The following TBC1D1 variants were observed in gnomAD, a reference collection of about 807,000 sequenced individuals.
TBC1D1 encodes the protein TBC1 (tre-2/USP6, BUB2, cdc16) domain family, member 1.
Under a neutral mutation model 125.6 loss-of-function variants are expected in TBC1D1, and 89 were observed. The ratio of observed to expected loss-of-function variants is 0.71; its 90% CI spans 0.60 to 0.85. The LOEUF (loss-of-function observed/expected upper bound fraction) is 0.85, where lower values mean the gene tolerates loss of function less well. Among genes scored for constraint, TBC1D1 ranks in the 40% least tolerant of loss-of-function variants. The pLI is 0.00. For missense variants in TBC1D1, 1,377 were observed against 1,469.2 expected, an observed-to-expected ratio of 0.94 and a Z score of 1.03; for synonymous variants, 565 against 564.1, an observed-to-expected ratio of 1.00 and a Z score of -0.02.
chr4:38,006,942 C>T, intron 2 of TBC1D1: 2 of 441,014 alleles, frequency 4.5e-6, no homozygotes, highest in South Asian at 3.6e-5. Context: ...TAAGTGTTGT[C>T]ATCTGGATAC....
chr4:37,997,585 AC>A (rs1388358530), intron 2 of TBC1D1, among the ~76,000 whole-genome samples: 1 of 152,192 alleles, frequency 6.6e-6, no homozygotes, highest in Non-Finnish European at 1.5e-5. Flanking sequence ...ATTAAAAATA[AC>A]CTTTTTTATG....
At chr4:38,007,451 C>A (rs953964867) in intron 2 of TBC1D1, among the ~76,000 whole-genome samples, 1 of 152,046 alleles carries the variant, frequency 6.6e-6, no homozygotes, top group African/African-American at 2.4e-5. Context: ...CGGGGTTTCA[C>A]CTTGTTGGTC....
intron 14 of TBC1D1, among the ~76,000 whole-genome samples, chr4:38,097,564 G>T (rs1054898155): frequency 6.6e-6 from 1 of 152,000 alleles, no homozygotes; most frequent in Non-Finnish European, 1.5e-5. Context: ...GGATGGTCTC[G>T]ATCTCCTGAC....
At chr4:38,096,306 G>A (rs116502406) in intron 14 of TBC1D1, among the ~76,000 whole-genome samples, 2,662 of 152,236 alleles carry the variant, frequency 0.017, 36 homozygotes, top group Admixed American at 0.03. Flanking sequence ...CGGGAAATAG[G>A]AAGAAGACAG....
chr4:38,101,914 C>T (rs1171263472), intron 14 of TBC1D1, among the ~76,000 whole-genome samples: 1 of 152,112 alleles, frequency 6.6e-6, no homozygotes, highest in African/African-American at 2.4e-5. Flanking sequence ...CCTTTTCCCT[C>T]ATCCTTAAGG....
At chr4:37,947,468 T>C (rs1291001365) in intron 2 of TBC1D1, among the ~76,000 whole-genome samples, 1 of 152,126 alleles carries the variant, frequency 6.6e-6, no homozygotes, top group Non-Finnish European at 1.5e-5. Context: ...ATTTATGTTT[T>C]ATTTTTTAGA....
chr4:38,034,297 A>G (rs951392214), intron 7 of TBC1D1, among the ~76,000 whole-genome samples: 5 of 152,228 alleles, frequency 3.3e-5, no homozygotes, highest in African/African-American at 1.2e-4. Flanking sequence ...AAAATTTTGT[A>G]ATATTGGGGT....
At chr4:38,076,585 C>T (rs1410863546) in intron 12 of TBC1D1, among the ~76,000 whole-genome samples, 2 of 152,054 alleles carry the variant, frequency 1.3e-5, no homozygotes, top group Non-Finnish European at 2.9e-5. Context: ...CGACACACTG[C>T]TGATGAAAAC....
At chr4:37,917,330 C>A (rs1054783934) in intron 2 of TBC1D1, among the ~76,000 whole-genome samples, 2 of 151,890 alleles carry the variant, frequency 1.3e-5, no homozygotes, top group Non-Finnish European at 2.9e-5. Flanking sequence ...CAAAAATTAG[C>A]TGGGCGTGGT....
intron 12 of TBC1D1, among the ~76,000 whole-genome samples, chr4:38,065,642 G>GC (rs1415906732): frequency 7.3e-4 from 98 of 133,724 alleles, no homozygotes; most frequent in Middle Eastern, 3.8e-3. Context: ...AGGTATTACC[G>GC]CCTTTTTTTT....
intron 2 of TBC1D1, among the ~76,000 whole-genome samples, chr4:37,923,098 C>T (rs1721366277): frequency 6.6e-6 from 1 of 152,112 alleles, no homozygotes; most frequent in South Asian, 2.1e-4. Context: ...TAATGCTATC[C>T]TTCCCCTAGC....
Position 38,138,368 on chromosome 4 carries a change from C to T in TBC1D1, c.*1033C>T, listed in dbSNP as rs1461446735. Reference sequence around the variant, plus strand: ...TTGTGTGATGTAATGCAATCATGTTCCTTTGAGTCTCCATCCCTTGGAAAT... The same window carrying T: ...TTGTGTGATGTAATGCAATCATGTTTCTTTGAGTCTCCATCCCTTGGAAAT... On this transcript the variant is annotated 3_prime_UTR_variant, in exon 20 of 20. Transcript: ENST00000261439. 6.6e-6 allele frequency: 1 copy of T among 152,336 alleles called. No homozygotes were observed. Among genetic ancestry groups the T allele is most frequent in the Non-Finnish European group, 1.5e-5 (1 of 68,030 alleles). The allele number at this position is 152,336 out of a possible 1,614,324, so 9.4% of individuals were successfully genotyped here.
At chr4:37,955,867 TG>T (rs1728831009) in intron 2 of TBC1D1, among the ~76,000 whole-genome samples, 1 of 150,450 alleles carries the variant, frequency 6.6e-6, no homozygotes, top group Non-Finnish European at 1.5e-5. Flanking sequence ...CTGGCCGTGG[TG>T]TCTCACGCCT....
intron 8 of TBC1D1, among the ~76,000 whole-genome samples, chr4:38,042,815 G>T (rs1179167571): frequency 6.6e-6 from 1 of 152,178 alleles, no homozygotes; most frequent in Non-Finnish European, 1.5e-5. Flanking sequence ...AAAGGTATTT[G>T]TTATATTAGT....
At chr4:38,028,271 T>G (rs530772742) in intron 7 of TBC1D1, among the ~76,000 whole-genome samples, 26 of 152,314 alleles carry the variant, frequency 1.7e-4, no homozygotes, top group Non-Finnish European at 2.9e-4. Context: ...GTTCAAGTGA[T>G]TCTTCTGCCT....
intron 1 of TBC1D1, among the ~76,000 whole-genome samples, chr4:37,900,520 T>C (rs1379017063): frequency 6.6e-6 from 1 of 151,976 alleles, no homozygotes; most frequent in Non-Finnish European, 1.5e-5. Flanking sequence ...AGTCAGGCAC[T>C]ATGGCAGACA....
intron 12 of TBC1D1, among the ~76,000 whole-genome samples, chr4:38,073,144 G>T (rs150291482): frequency 1.3e-5 from 2 of 152,340 alleles, no homozygotes; most frequent in Middle Eastern, 3.4e-3. Flanking sequence ...GTACCCAGAA[G>T]TGGGTTTGCT....
intron 7 of TBC1D1, among the ~76,000 whole-genome samples, chr4:38,032,350 A>G (rs1222504001): frequency 6.6e-6 from 1 of 152,094 alleles, no homozygotes; most frequent in Non-Finnish European, 1.5e-5. Flanking sequence ...GGGCATTTCC[A>G]TTGCCTCATA....
At chr4:37,974,513 A>G (rs1321613460) in intron 2 of TBC1D1, among the ~76,000 whole-genome samples, 1 of 151,946 alleles carries the variant, frequency 6.6e-6, no homozygotes, top group African/African-American at 2.4e-5. Context: ...TGCTGGGATT[A>G]CAGGCATGAG....
Sources: gnomAD v4.1 joint callset for allele counts (sites outside exome capture counted in the v4.1 genomes callset) on GRCh38, gnomAD v4.1.1 for gene constraint, MANE v1.5 for transcripts, NCBI Gene and HGNC (gene_info 2026-07-23, HGNC 2026-07-21) for gene names.